Variants in SUPT5H observed in about 807,000 individuals in gnomAD.
SUPT5H encodes the protein transcription elongation factor SPT5.
In SUPT5H, 24 loss-of-function variants were observed where a neutral mutation model predicts 142.5. The observed-to-expected ratio is 0.17, with a 90% CI of 0.12 to 0.24. The LOEUF (loss-of-function observed/expected upper bound fraction) is 0.24. Ranked by LOEUF, SUPT5H falls within the 10% of genes least tolerant of loss-of-function variation. SUPT5H has a pLI of 1.00. For missense variants in SUPT5H, 893 were observed against 1,471.8 expected (o/e 0.61, Z 6.43); for synonymous variants, 546 against 553.0 (o/e 0.99, Z 0.18).
intron 3 of SUPT5H, among the ~76,000 whole-genome samples, chr19:39,456,124 C>T (rs1401581404): frequency 6.6e-6 from 1 of 151,684 alleles, no homozygotes; most frequent in Non-Finnish European, 1.5e-5. Context: ...ACCATGTTGG[C>T]CAGGCTGGTC....
chr19:39,473,481 A>G lies in SUPT5H; in HGVS notation c.2452A>G (p.Ser818Gly), dbSNP rs950251547. 6.2e-7 allele frequency: 1 copy of G among 1,612,492 alleles called. No individual in the cohort carries two copies. The highest frequency in any genetic ancestry group is 2.2e-5 in the East Asian group (1 of 44,848). The change falls in exon 25 of 30, where the codon AGT (serine) becomes GGT (glycine). Residue 818 changes from serine to glycine, a missense_variant. Physicochemically the swap from Ser to Gly is moderately conservative, Grantham distance 56. Around this residue, in one of 6 missense-constraint regions of SUPT5H, gnomAD observed 336 missense variants for 546.5 expected, o/e 0.61. Transcript: ENST00000432763. The surrounding 1 kb of genome is among the most constrained non-coding windows in gnomAD (Gnocchi z 5.8). ...LHDGSRTPAQSGAWDPNNPNT... is the reference protein window; with the variant it reads ...LHDGSRTPAQGGAWDPNNPNT... ...TGATGGCAGCCGCACTCCTGCCCAG[A>G]GTGGGGCCTGGGACCCCAACAACCC...
At chr19:39,460,197 G>T in intron 10 of SUPT5H, 1 of 525,890 alleles carries the variant, frequency 1.9e-6, no homozygotes, top group African/African-American at 1.9e-5. Context: ...GTAGCCCTTT[G>T]GAAGTCAGCC....
chr19:39,472,849 G>T lies in SUPT5H; in HGVS notation c.2075G>T (p.Gly692Val), dbSNP rs770666615. The T allele has an allele frequency of 6.2e-7, 1 of 1,613,794 alleles. No homozygotes were observed. The highest frequency in any genetic ancestry group is 1.3e-5 in the African/African-American group (1 of 75,054). The change falls in exon 22 of 30, where the codon GGT (glycine) becomes GTT (valine). Residue 692 changes from glycine to valine, a missense_variant. By Grantham distance (109) the Gly-to-Val change is moderately radical. Coordinates refer to ENST00000432763, the MANE Select transcript of SUPT5H (RefSeq NM_001111020.3). This position sits in a 1 kb window ranked among gnomAD's most constrained non-coding sequence, Gnocchi z 4.2. ...TTTGGTAGCCCAGGTGGCGGCAGTG[G>T]TGGCATGAGCAGGGGCCGGGGCCGG... Reference protein sequence around the residue: ...GGFGSPGGGSGGMSRGRGRRD... With the variant: ...GGFGSPGGGSVGMSRGRGRRD...
At chr19:39,454,356 G>GT (rs869183044) in intron 3 of SUPT5H, among the ~76,000 whole-genome samples, 466 of 26,178 alleles carry the variant, frequency 0.018, 3 homozygotes, top group South Asian at 0.12. Flanking sequence ...TGTTGTCGTT[G>GT]TTTTTTTTTT....
intron 10 of SUPT5H, among the ~76,000 whole-genome samples, chr19:39,461,319 CATT>C (rs2079158371): frequency 6.6e-6 from 1 of 151,622 alleles, no homozygotes; most frequent in Non-Finnish European, 1.5e-5. Flanking sequence ...ATGTCTTCCT[CATT>C]ATTATAGTAA....
intron 2 of SUPT5H, among the ~76,000 whole-genome samples, chr19:39,450,393 A>G (rs1255651561): frequency 6.6e-6 from 1 of 152,104 alleles, no homozygotes; most frequent in African/African-American, 2.4e-5. Context: ...CTCCTGCCTC[A>G]GCCTCCTGAA....
intron 4 of SUPT5H, 183 bp downstream of exon 4, chr19:39,457,923 G>T (rs1568422876): frequency 8.9e-7 from 1 of 1,126,300 alleles, no homozygotes. Context: ...CCCATGAGTG[G>T]GGGGTGGGGC....
At position 39,470,934 on chromosome 19, in the gene SUPT5H, G is replaced by A. The variant is rs991542554; in HGVS notation, c.1677+411G>A. On this transcript the variant is annotated intron_variant, in intron 18 of 29. Transcript: ENST00000432763. The surrounding 1 kb of genome is among the most constrained non-coding windows in gnomAD (Gnocchi z 5.8). ...TGGCTTTGTTGCTCCTGTGCTGTCT[G>A]ACCCTGGGCTAGTGACTCACCCTCT... Among the ~76,000 whole-genome samples, 1 of 152,090 alleles carries A rather than the reference G, an allele frequency of 6.6e-6. No individual in the cohort carries two copies. The highest frequency in any genetic ancestry group is 1.5e-5 in the Non-Finnish European group (1 of 68,020).
In SUPT5H at chr19:39,471,522, T is replaced by G. The variant is rs1461074490; in HGVS notation, c.1824+19T>G. The stretch of plus-strand genomic sequence containing the variant: ...CCACTCAGTGAGTACAAGTTCCTGC[T>G]TTTGAGCTGCATCTGAAAGAATTTG... On this transcript the variant is annotated intron_variant, in intron 19 of 29. Coordinates refer to ENST00000432763, the MANE Select transcript of SUPT5H (RefSeq NM_001111020.3). 1 of 1,614,034 alleles carries G rather than the reference T, an allele frequency of 6.2e-7. No homozygotes were observed. Among genetic ancestry groups the G allele is most frequent in the Admixed American group, 1.7e-5 (1 of 60,034 alleles).
At position 39,458,357 on chromosome 19, in the gene SUPT5H, T is replaced by C. The variant is rs1360154792; in HGVS notation, c.319+52T>C. 6.5e-7 allele frequency: 1 copy of C among 1,546,152 alleles called. No homozygotes were observed. The highest frequency in any genetic ancestry group is 8.8e-7 in the Non-Finnish European group (1 of 1,133,998). ...TGACCTTCCTCCCATATCCTGACAT[T>C]TCCTCCTTCCTGAGGCACCTGCCCT... On this transcript the variant is annotated intron_variant, in intron 5 of 29. Coordinates refer to ENST00000432763, the MANE Select transcript of SUPT5H (RefSeq NM_001111020.3). This position sits in a 1 kb window ranked among gnomAD's most constrained non-coding sequence, Gnocchi z 4.2.
intron 2 of SUPT5H, among the ~76,000 whole-genome samples, chr19:39,452,332 A>G (rs1200233524): frequency 6.6e-6 from 1 of 152,168 alleles, no homozygotes; most frequent in African/African-American, 2.4e-5. Flanking sequence ...ACAGGAACTG[A>G]GGTCATGGAA....
rs568281673 is a variant in SUPT5H, at chr19:39,458,176, C to A, written c.308-118C>A. The A allele has an allele frequency of 6.7e-7, 1 of 1,493,662 alleles. No individual in the cohort carries two copies. 92.5% of individuals were successfully genotyped at this position (1,493,662 alleles called of 1,614,324 possible). ...TCTGTGTCCCTCCCTTCCCCTCCCCCAACCCATTGGTTGATTTTGCTGCTA... is the reference window on the plus strand; with the variant it reads ...TCTGTGTCCCTCCCTTCCCCTCCCCAAACCCATTGGTTGATTTTGCTGCTA... On this transcript the variant is annotated intron_variant, in intron 4 of 29. Coordinates refer to ENST00000432763, the MANE Select transcript of SUPT5H (RefSeq NM_001111020.3). This position sits in a 1 kb window ranked among gnomAD's most constrained non-coding sequence, Gnocchi z 4.2.
Position 39,474,579 on chromosome 19 carries a change from G to A in SUPT5H, c.2885G>A (p.Gly962Asp). ...ACACCTGGAGCTCCCTCCCCTGGTG[G>A]CTACAACCCACACACGCCAGGCTCA... ...PMTPGAPSPGGYNPHTPGSGI... is the reference protein window; with the variant it reads ...PMTPGAPSPGDYNPHTPGSGI... Residue 962 changes from glycine (G) to aspartate (D), a missense_variant, in exon 28 of 30, where the codon GGC becomes GAC. Gly to Asp is a moderately conservative substitution (Grantham distance 94, BLOSUM62 -1). This residue lies in a region of SUPT5H where 336 missense variants were observed against 546.5 expected (regional missense o/e 0.61). Transcript: ENST00000432763. The surrounding 1 kb of genome is among the most constrained non-coding windows in gnomAD (Gnocchi z 6.5). 1 of 1,614,230 alleles carries A rather than the reference G, an allele frequency of 6.2e-7. No individual in the cohort carries two copies. Among genetic ancestry groups the A allele is most frequent in the South Asian group, 1.1e-5 (1 of 91,092 alleles).
chr19:39,466,460 C>G lies in SUPT5H; in HGVS notation c.877-20C>G, dbSNP rs1362952853. ...GGGAGGAGAGTGGGGCCCTGCTGAC[C>G]TTCTGCTCGCCCTGCTCAGGTGGAC... On this transcript the variant is annotated intron_variant, in intron 11 of 29. Coordinates refer to ENST00000432763, the MANE Select transcript of SUPT5H (RefSeq NM_001111020.3). The surrounding 1 kb of genome is among the most constrained non-coding windows in gnomAD (Gnocchi z 4.3). The G allele has an allele frequency of 1.2e-6, 2 of 1,612,600 alleles. No homozygotes were observed. The highest frequency in any genetic ancestry group is 8.5e-7 in the Non-Finnish European group (1 of 1,179,432).
Position 39,476,273 on chromosome 19 carries a change from C to G in SUPT5H, c.3138C>G (p.Gly1046=). ...TKNNKVKVIL[G]EDREATGVLL... ...ACCCCCAGGTGAAAGTGATCCTGGG[C>G]GAGGATCGGGAAGCCACGGGCGTCC... The change falls in exon 30 of 30, where the codon GGC becomes GGG. Residue 1046 remains glycine, a synonymous_variant. Coordinates refer to ENST00000432763, the MANE Select transcript of SUPT5H (RefSeq NM_001111020.3). 1 of 1,614,002 alleles carries G rather than the reference C, an allele frequency of 6.2e-7. No homozygotes were observed. Among genetic ancestry groups the G allele is most frequent in the Non-Finnish European group, 8.5e-7 (1 of 1,179,974 alleles).
At chr19:39,460,271 T>A in intron 10 of SUPT5H, 1 of 384,404 alleles carries the variant, frequency 2.6e-6, no homozygotes, top group Non-Finnish European at 4.8e-6. Flanking sequence ...CCTGTTGGGC[T>A]GGGGTCACCC....
intron 13 of SUPT5H, chr19:39,467,726 G>A (rs957697493): frequency 1.3e-5 from 2 of 152,138 alleles, no homozygotes; most frequent in African/African-American, 2.4e-5. Flanking sequence ...ATGGAGAAAC[G>A]AGAGGTGCCA....
chr19:39,476,353 T>C lies in SUPT5H; in HGVS notation c.3218T>C (p.Leu1073Pro). The C allele has an allele frequency of 6.2e-7, 1 of 1,614,008 alleles. No individual in the cohort carries two copies. The highest frequency in any genetic ancestry group is 8.5e-7 in the Non-Finnish European group (1 of 1,180,000). The change falls in exon 30 of 30, where the codon CTC (leucine) becomes CCC (proline). Residue 1073 changes from leucine (L) to proline (P), a missense_variant. By Grantham distance (98) the Leu-to-Pro change is moderately conservative. Transcript: ENST00000432763. ...GTCCGTATGGACCTTGATGAGCAGC[T>C]CAAGATCCTCAACCTCCGCTTCCTG... Reference protein sequence around the residue: ...GIVRMDLDEQLKILNLRFLGK... With the variant: ...GIVRMDLDEQPKILNLRFLGK...
In SUPT5H at chr19:39,470,552, C is replaced by G. The variant is rs753720827; in HGVS notation, c.1677+29C>G. On this transcript the variant is annotated intron_variant, in intron 18 of 29. Coordinates refer to ENST00000432763, the MANE Select transcript of SUPT5H (RefSeq NM_001111020.3). This position sits in a 1 kb window ranked among gnomAD's most constrained non-coding sequence, Gnocchi z 5.8. Reference sequence around the variant, plus strand: ...TGTGTGTTGTGCTCTGTGGCGGGGACTTGCTTTTAGGAGGCTTCCTGTCCC... The same window carrying G: ...TGTGTGTTGTGCTCTGTGGCGGGGAGTTGCTTTTAGGAGGCTTCCTGTCCC... 1.3e-6 allele frequency: 2 copies of G among 1,488,218 alleles called. No homozygotes were observed. Among genetic ancestry groups the G allele is most frequent in the South Asian group, 1.4e-5 (1 of 71,534 alleles). 92.2% of individuals were successfully genotyped at this position (1,488,218 alleles called of 1,614,324 possible).
Sources: allele counts gnomAD v4.1 joint callset (sites outside exome capture counted in the v4.1 genomes callset), GRCh38; gene constraint gnomAD v4.1.1; regional missense constraint gnomAD v4.1.1; non-coding constraint Gnocchi (gnomAD v3.1); transcripts MANE v1.5; gene names NCBI Gene and HGNC (gene_info 2026-07-23, HGNC 2026-07-21).